Variants in PCDHGB2 observed in about 807,000 individuals in gnomAD.
The protein encoded by PCDHGB2 is protocadherin gamma subfamily B, 2.
A neutral mutation model predicts 59.3 loss-of-function variants in PCDHGB2; 55 were observed. The observed-to-expected ratio is 0.93, with a 90% CI of 0.75 to 1.16. The LOEUF (loss-of-function observed/expected upper bound fraction) is 1.16. PCDHGB2 is among the 50% of genes most tolerant of loss of function. The probability of loss-of-function intolerance (pLI) is 0.00; values close to 1 mark genes in which losing one functional copy is unlikely to be tolerated. For missense variants in PCDHGB2, 1,228 were observed against 1,198.5 expected, an observed-to-expected ratio of 1.02 and a Z score of -0.36; for synonymous variants, 516 against 512.0, an observed-to-expected ratio of 1.01 and a Z score of -0.11.
At chr5:141,484,626 C>T (rs1306600907) in intron 1 of PCDHGB2, among the ~76,000 whole-genome samples, 1 of 151,972 alleles carries the variant, frequency 6.6e-6, no homozygotes, top group African/African-American at 2.4e-5. Context: ...CTGGCTTGAA[C>T]AAAGTGACCA....
Position 141,431,260 on chromosome 5 carries a change from G to C in PCDHGB2, c.2422-63547G>C, listed in dbSNP as rs762250032. On this transcript the variant is annotated intron_variant, in intron 1 of 3. Coordinates refer to ENST00000522605, the MANE Select transcript of PCDHGB2 (RefSeq NM_018923.3). The surrounding 1 kb of genome is among the most constrained non-coding windows in gnomAD (Gnocchi z 4.8). The stretch of plus-strand genomic sequence containing the variant: ...ATCCGGATATCGGGAAGAACTCTCT[G>C]CAGAGCTACGAGCTCAGCCCGAACA... 6.2e-7 allele frequency: 1 copy of C among 1,614,170 alleles called. No homozygotes were observed. Among genetic ancestry groups the C allele is most frequent in the Non-Finnish European group, 8.5e-7 (1 of 1,180,052 alleles).
intron 1 of PCDHGB2, chr5:141,478,803 T>G: frequency 2.1e-6 from 3 of 1,463,244 alleles, no homozygotes; most frequent in Non-Finnish European, 2.7e-6. Context: ...AGCACTCTTT[T>G]GCTATCACAA....
chr5:141,365,735 G>T (rs1764082475), intron 1 of PCDHGB2: 6 of 1,613,626 alleles, frequency 3.7e-6, no homozygotes, highest in Non-Finnish European at 5.1e-6. Flanking sequence ...TCCCAGAGGT[G>T]TCTCTATCTT....
Position 141,494,815 on chromosome 5 carries a change from G to C in PCDHGB2, c.2430G>C (p.Pro810=). 6.2e-7 allele frequency: 1 copy of C among 1,613,976 alleles called. No individual in the cohort carries two copies. The highest frequency in any genetic ancestry group is 8.5e-7 in the Non-Finnish European group (1 of 1,179,982). Residue 810 remains proline, a synonymous_variant, in exon 2 of 4, where the codon CCG becomes CCC. Transcript: ENST00000522605. Reference sequence around the variant, plus strand: ...CTCTGTTTTCTCCACAGCAAGCCCCGCCCAACACGGACTGGCGTTTCTCTC... The same window carrying C: ...CTCTGTTTTCTCCACAGCAAGCCCCCCCCAACACGGACTGGCGTTTCTCTC... ...FASDTILKQA[P]PNTDWRFSQA...
intron 1 of PCDHGB2, chr5:141,408,785 T>C: frequency 6.2e-7 from 1 of 1,612,308 alleles, no homozygotes; most frequent in Non-Finnish European, 8.5e-7. Context: ...CCCAGAGTTA[T>C]CTCTGGAGAA....
rs898536568 is a variant in PCDHGB2 at position 141,478,080 on chromosome 5, C to T, written c.2422-16727C>T. The T allele has an allele frequency of 1.9e-6, 3 of 1,614,012 alleles. No homozygotes were observed. The Admixed American group carries it at 5.0e-5, about 27-fold the overall frequency. The stretch of plus-strand genomic sequence containing the variant: ...TTGATCAAAGACAATGGGGAGCCTT[C>T]GCTCTCCACCACTGCTACCCTCACT... On this transcript the variant is annotated intron_variant, in intron 1 of 3. Coordinates refer to ENST00000522605, the MANE Select transcript of PCDHGB2 (RefSeq NM_018923.3).
chr5:141,459,444 T>C (rs1485634547), intron 1 of PCDHGB2, among the ~76,000 whole-genome samples: 1 of 152,244 alleles, frequency 6.6e-6, no homozygotes, highest in Non-Finnish European at 1.5e-5. Context: ...TTCATTCAAC[T>C]GTTGGTGGAC....
chr5:141,416,504 C>CA (rs1467352050), intron 1 of PCDHGB2: 4 of 152,040 alleles, frequency 2.6e-5, no homozygotes, highest in African/African-American at 9.7e-5. Context: ...AGATATATGA[C>CA]AAAGCTATTT....
chr5:141,383,755 C>T, intron 1 of PCDHGB2: 1 of 1,613,958 alleles, frequency 6.2e-7, no homozygotes, highest in Non-Finnish European at 8.5e-7. Context: ...GAAAATAACT[C>T]CTAAACTTCC....
intron 1 of PCDHGB2, chr5:141,390,450 T>A: frequency 1.2e-6 from 1 of 822,586 alleles, no homozygotes; most frequent in Non-Finnish European, 1.9e-6. Context: ...AAAGGAGGAG[T>A]AAAGTAGGAG....
At chr5:141,482,530 C>CTAAAAA in intron 1 of PCDHGB2, among the ~76,000 whole-genome samples, 1 of 76,560 alleles carries the variant, frequency 1.3e-5, no homozygotes, top group African/African-American at 4.8e-5. Context: ...GACAGACATG[C>CTAAAAA]AAAAAAAAAA....
intron 1 of PCDHGB2, chr5:141,366,483 G>T (rs1194485862): frequency 1.4e-5 from 23 of 1,614,118 alleles, no homozygotes; most frequent in Non-Finnish European, 1.8e-5. Flanking sequence ...AGACTGAGGC[G>T]CTGGCACAAG....
chr5:141,431,222 C>T lies in PCDHGB2; in HGVS notation c.2422-63585C>T. On this transcript the variant is annotated intron_variant, in intron 1 of 3. Transcript: ENST00000522605. The surrounding 1 kb of genome is among the most constrained non-coding windows in gnomAD (Gnocchi z 4.8). ...AGCCACTGAGATGCGGTTCCCTCTA[C>T]CCCACGCCTGGGATCCGGATATCGG... The T allele has an allele frequency of 6.2e-7, 1 of 1,614,170 alleles. No individual in the cohort carries two copies. Among genetic ancestry groups the T allele is most frequent in the South Asian group, 1.1e-5 (1 of 91,090 alleles).
intron 1 of PCDHGB2, chr5:141,399,534 A>G (rs772655467): frequency 3.7e-6 from 6 of 1,614,030 alleles, no homozygotes; most frequent in Middle Eastern, 1.6e-4. Flanking sequence ...CCATCGCGCA[A>G]GTCTGCGCCT....
intron 2 of PCDHGB2, 117 bp downstream of exon 2, chr5:141,494,982 G>C: frequency 6.4e-7 from 1 of 1,563,940 alleles, no homozygotes; most frequent in Non-Finnish European, 8.7e-7. Context: ...CTCAGTTTGA[G>C]ATCCCAGGGA....
At chr5:141,423,429 A>G (rs1590473158) in intron 1 of PCDHGB2, 2 of 1,613,960 alleles carry the variant, frequency 1.2e-6, no homozygotes, top group African/African-American at 1.3e-5. Flanking sequence ...GCGGGTTGGC[A>G]GGTATGCCCA....
chr5:141,433,017 A>T, intron 1 of PCDHGB2: 1 of 1,614,124 alleles, frequency 6.2e-7, no homozygotes, highest in Non-Finnish European at 8.5e-7. Flanking sequence ...CTGCAGACCT[A>T]TTCCCACGAG....
At chr5:141,445,020 C>T (rs2098454249) in intron 1 of PCDHGB2, among the ~76,000 whole-genome samples, 1 of 152,130 alleles carries the variant, frequency 6.6e-6, no homozygotes, top group Non-Finnish European at 1.5e-5. Flanking sequence ...TTTAATTTCT[C>T]TCAGCTATGT....
At position 141,486,055 on chromosome 5, in the gene PCDHGB2, C is replaced by T; in HGVS notation, c.2422-8752C>T. 6.2e-7 allele frequency: 1 copy of T among 1,614,170 alleles called. No individual in the cohort carries two copies. ...CTGATCGTGTAAGAAACCTCTTTAG[C>T]CTGCACCCCACTACTGGAAAGCTTA... On this transcript the variant is annotated intron_variant, in intron 1 of 3. Transcript: ENST00000522605. The surrounding 1 kb of genome is among the most constrained non-coding windows in gnomAD (Gnocchi z 5.0).
Sources: allele counts gnomAD v4.1 joint callset (sites outside exome capture counted in the v4.1 genomes callset), GRCh38; gene constraint gnomAD v4.1.1; non-coding constraint Gnocchi (gnomAD v3.1); transcripts MANE v1.5; gene names NCBI Gene and HGNC (gene_info 2026-07-23, HGNC 2026-07-21).